SNX13: variants seen among roughly 807,000 people sequenced by gnomAD.
The protein encoded by SNX13 is sorting nexin-13.
A neutral mutation model predicts 133.6 loss-of-function variants in SNX13; 45 were observed. The observed-to-expected ratio is 0.34, with a 90% CI of 0.27 to 0.43. The LOEUF (loss-of-function observed/expected upper bound fraction) is 0.43. Ranked by LOEUF, SNX13 falls within the 20% of genes least tolerant of loss-of-function variation. SNX13 has a pLI of 1.00. For missense variants in SNX13, 1,032 were observed against 1,145.1 expected (o/e 0.90, Z 1.43); for synonymous variants, 414 against 373.9 (o/e 1.11, Z -1.24).
chr7:17,830,636 T>C (rs1418133047), intron 15 of SNX13: 1 of 983,754 alleles, frequency 1.0e-6, no homozygotes, highest in Non-Finnish European at 1.2e-6. Flanking sequence ...AAAAAGCAAC[T>C]AGGACAAATT....
chr7:17,801,818 G>C (rs147561768), intron 21 of SNX13, among the ~76,000 whole-genome samples, 159 bp from the exon 22 acceptor site: 76 of 152,002 alleles, frequency 5.0e-4, no homozygotes, highest in East Asian at 3.1e-3. Context: ...CAAATATAAA[G>C]GGTAATTATT....
intron 16 of SNX13, among the ~76,000 whole-genome samples, chr7:17,827,971 A>G (rs1484285775): frequency 6.6e-6 from 1 of 151,758 alleles, no homozygotes; most frequent in Non-Finnish European, 1.5e-5. Flanking sequence ...ATTTTTTTAA[A>G]AAAGCATTAT....
chr7:17,839,414 T>G (rs1789595115), intron 13 of SNX13, among the ~76,000 whole-genome samples: 1 of 151,864 alleles, frequency 6.6e-6, no homozygotes, highest in Admixed American at 6.6e-5. Flanking sequence ...AATTTTTGTT[T>G]CATTCATTGG....
At chr7:17,891,477 TG>T in intron 4 of SNX13, 68 bp downstream of exon 4, 1 of 1,118,526 alleles carries the variant, frequency 8.9e-7, no homozygotes, top group South Asian at 1.5e-5. Flanking sequence ...AAGTATTTCC[TG>T]GTATCTTCAA....
At position 17,827,988 on chromosome 7, in the gene SNX13, T is replaced by C. The variant is rs531101010; in HGVS notation, c.1636-1897A>G. On this transcript the variant is annotated intron_variant, in intron 16 of 25. Transcript: ENST00000428135. ...TTTTTTAAAAAAGCATTATTAATAA[T>C]GGTAACCTTCCCTTGTATGTTAACA... Among the ~76,000 whole-genome samples, 9 of 151,900 alleles carry C rather than the reference T, an allele frequency of 5.9e-5. No individual in the cohort carries two copies. The East Asian group carries it at 1.7e-3, about 29-fold the overall frequency.
intron 1 of SNX13, among the ~76,000 whole-genome samples, chr7:17,901,317 G>C (rs1797808073): frequency 6.6e-6 from 1 of 152,206 alleles, no homozygotes; most frequent in Non-Finnish European, 1.5e-5. Context: ...TCTCTTCGTC[G>C]CCCCAGCTGG....
chr7:17,885,567 C>T (rs1011218124), intron 5 of SNX13, among the ~76,000 whole-genome samples: 6 of 152,194 alleles, frequency 3.9e-5, no homozygotes, highest in Admixed American at 3.9e-4. Flanking sequence ...GTGGCTCACA[C>T]CTGTAATCCC....
At position 17,798,776 on chromosome 7, in the gene SNX13, TA is replaced by T; in HGVS notation, c.2445-19del. ...CTATTTTTCTGAAAGTAAATTAATGTAAATGAGGAAGGTTAAAATTTTAGAA... is the reference window on the plus strand; with the variant it reads ...CTATTTTTCTGAAAGTAAATTAATGTAATGAGGAAGGTTAAAATTTTAGAA... On this transcript the variant is annotated intron_variant, in intron 23 of 25. Coordinates refer to ENST00000428135, the MANE Select transcript of SNX13 (RefSeq NM_015132.5). 6.6e-7 allele frequency: 1 copy of T among 1,523,696 alleles called. No homozygotes were observed. The highest frequency in any genetic ancestry group is 8.8e-7 in the Non-Finnish European group (1 of 1,134,390). 94.4% of individuals were successfully genotyped at this position (1,523,696 alleles called of 1,614,324 possible).
At chr7:17,836,314 C>T (rs1357881402) in intron 13 of SNX13, among the ~76,000 whole-genome samples, 1 of 151,904 alleles carries the variant, frequency 6.6e-6, no homozygotes, top group Non-Finnish European at 1.5e-5. Context: ...GGCATAAGTT[C>T]GAGAACAGCC....
chr7:17,915,267 C>T (rs1424763174), intron 1 of SNX13, among the ~76,000 whole-genome samples: 8 of 152,142 alleles, frequency 5.3e-5, no homozygotes, highest in Admixed American at 1.3e-4. Context: ...CCCCTCTATG[C>T]AGCTGACCCT....
chr7:17,836,947 T>C (rs1172021996), intron 13 of SNX13, among the ~76,000 whole-genome samples: 5 of 151,988 alleles, frequency 3.3e-5, no homozygotes. Context: ...TTTTTGCTTT[T>C]TCTGTTTCCT....
chr7:17,913,695 C>T (rs1174614484), intron 1 of SNX13, among the ~76,000 whole-genome samples: 1 of 150,196 alleles, frequency 6.7e-6, no homozygotes, highest in Non-Finnish European at 1.5e-5. Flanking sequence ...TCAGTCATAC[C>T]CTCAAGGGAA....
intron 16 of SNX13, among the ~76,000 whole-genome samples, chr7:17,829,560 TAAAG>T (rs1788256028): frequency 2.6e-5 from 4 of 151,360 alleles, no homozygotes; most frequent in African/African-American, 4.8e-5. Context: ...AGTGTAGACT[TAAAG>T]AAATATCTAT....
chr7:17,883,002 T>G (rs903941960), intron 5 of SNX13: 5 of 290,604 alleles, frequency 1.7e-5, no homozygotes, highest in African/African-American at 1.1e-4. Flanking sequence ...TTCAGTTCAG[T>G]GTTCTTTCTA....
At chr7:17,805,254 T>TGTTTGTGC in intron 20 of SNX13, among the ~76,000 whole-genome samples, 1 of 132,526 alleles carries the variant, frequency 7.5e-6, no homozygotes, top group South Asian at 2.5e-4. Context: ...TGTGTGTGCG[T>TGTTTGTGC]GCGCGCGCGC....
intron 1 of SNX13, among the ~76,000 whole-genome samples, chr7:17,901,405 T>C (rs1230398942): frequency 1.3e-5 from 2 of 152,112 alleles, no homozygotes; most frequent in Non-Finnish European, 2.9e-5. Context: ...CCTTGTGGCC[T>C]AGCCTGCCTT....
chr7:17,834,994 A>G, intron 13 of SNX13, 129 bp from the exon 14 acceptor site: 1 of 564,862 alleles, frequency 1.8e-6, no homozygotes, highest in Non-Finnish European at 3.1e-6. Flanking sequence ...TTTGTAAACG[A>G]CACCTTGATG....
chr7:17,902,834 C>T (rs1797981749), intron 1 of SNX13, among the ~76,000 whole-genome samples: 2 of 152,162 alleles, frequency 1.3e-5, no homozygotes, highest in African/African-American at 2.4e-5. Context: ...AGCTCTGCCT[C>T]CTGTCAGAGC....
intron 1 of SNX13, among the ~76,000 whole-genome samples, chr7:17,920,756 A>G (rs181411598): frequency 1.3e-4 from 20 of 152,340 alleles, no homozygotes; most frequent in South Asian, 2.1e-4. Flanking sequence ...TAATGCATAA[A>G]TAAGAAGAGT....
Sources: gnomAD v4.1 joint callset for allele counts (sites outside exome capture counted in the v4.1 genomes callset) on GRCh38, gnomAD v4.1.1 for gene constraint, MANE v1.5 for transcripts, NCBI Gene and HGNC (gene_info 2026-07-23, HGNC 2026-07-21) for gene names.